The following GATAD2A variants were observed in gnomAD, a reference collection of about 807,000 sequenced individuals.
GATAD2A encodes GATA zinc finger domain containing 2A.
A neutral mutation model predicts 68.5 loss-of-function variants in GATAD2A; 12 were observed. The observed-to-expected ratio is 0.18, with a 90% CI of 0.11 to 0.28. GATAD2A has a LOEUF of 0.28. Ranked by LOEUF, GATAD2A falls within the 10% of genes least tolerant of loss-of-function variation. The pLI is 1.00. For missense variants in GATAD2A, 755 were observed against 868.5 expected, an observed-to-expected ratio of 0.87 and a Z score of 1.64; for synonymous variants, 410 against 375.3, an observed-to-expected ratio of 1.09 and a Z score of -1.07.
intron 1 of GATAD2A, among the ~76,000 whole-genome samples, chr19:19,423,534 C>G (rs528406617): frequency 6.6e-6 from 1 of 152,254 alleles, no homozygotes; most frequent in Admixed American, 6.5e-5. Context: ...CTGAATGCCC[C>G]CCTGAGCTGA....
chr19:19,433,298 T>C (rs2147475890), intron 1 of GATAD2A, among the ~76,000 whole-genome samples: 1 of 152,306 alleles, frequency 6.6e-6, no homozygotes, highest in South Asian at 2.1e-4. Context: ...ATTTTGTCAG[T>C]CTGCTTGTCT....
chr19:19,492,765 C>T, intron 4 of GATAD2A, 53 bp downstream of exon 4: 3 of 1,589,950 alleles, frequency 1.9e-6, no homozygotes, highest in East Asian at 2.2e-5. Flanking sequence ...CTGGCCTTGC[C>T]TTGATCCCCT....
chr19:19,498,890 C>T (rs1188577150), intron 8 of GATAD2A, among the ~76,000 whole-genome samples, 168 bp downstream of exon 8: 1 of 152,232 alleles, frequency 6.6e-6, no homozygotes, highest in Non-Finnish European at 1.5e-5. Flanking sequence ...AGTCTGGACA[C>T]TGTCCTCCGG....
intron 2 of GATAD2A, among the ~76,000 whole-genome samples, chr19:19,488,475 G>C (rs1568329671): frequency 6.6e-6 from 1 of 152,270 alleles, no homozygotes; most frequent in East Asian, 1.9e-4. Flanking sequence ...TCCAAGGACA[G>C]CTCCTTCCCG....
chr19:19,495,658 A>T, intron 5 of GATAD2A, 96 bp from the exon 6 acceptor site: 8 of 932,268 alleles, frequency 8.6e-6, no homozygotes, highest in Non-Finnish European at 1.1e-5. Flanking sequence ...AAAAAAAACT[A>T]GTATGTACTT....
rs748592461 is a variant in GATAD2A at position 19,494,328 on chromosome 19, C to T, written c.569C>T (p.Pro190Leu). The T allele has an allele frequency of 1.2e-6, 2 of 1,613,084 alleles. No individual in the cohort carries two copies. The highest frequency in any genetic ancestry group is 1.7e-6 in the Non-Finnish European group (2 of 1,179,238). Residue 190 changes from proline (P) to leucine (L), a missense_variant, in exon 5 of 12, where the codon CCT (proline) becomes CTT (leucine). Physicochemically the swap from Pro to Leu is moderately conservative, Grantham distance 98. Coordinates refer to ENST00000683918, the MANE Select transcript of GATAD2A (RefSeq NM_001384528.1). The part of the protein sequence containing the change: ...TGSVGSTVTT[P>L]PPLVRGTQNI... ...TCTGTTGGGAGCACCGTGACCACCC[C>T]TCCCCCGCTTGTTCGGGGCACTCAG...
intron 8 of GATAD2A, 66 bp from the exon 9 acceptor site, chr19:19,501,052 G>A (rs1392036047): frequency 2.7e-5 from 38 of 1,425,766 alleles, no homozygotes; most frequent in Non-Finnish European, 3.3e-5. Flanking sequence ...TCCTGGGCTG[G>A]GGGCGGCCAG....
chr19:19,454,048 A>G (rs1322014610), intron 1 of GATAD2A, among the ~76,000 whole-genome samples: 1 of 149,490 alleles, frequency 6.7e-6, no homozygotes, highest in African/African-American at 2.5e-5. Flanking sequence ...CCCAGGCTGG[A>G]GTGCAATGGC....
intron 1 of GATAD2A, among the ~76,000 whole-genome samples, chr19:19,454,443 C>T (rs2056726225): frequency 6.6e-6 from 1 of 151,590 alleles, no homozygotes; most frequent in South Asian, 2.1e-4. Flanking sequence ...TCCAAAAATA[C>T]AAAAAATTAG....
chr19:19,459,407 A>C (rs551440191), intron 1 of GATAD2A, among the ~76,000 whole-genome samples: 4 of 144,554 alleles, frequency 2.8e-5, no homozygotes, highest in African/African-American at 1.0e-4. Context: ...GTACTATGCT[A>C]TTCTGCAACT....
At chr19:19,393,081 G>C (rs1462680083) in intron 1 of GATAD2A, among the ~76,000 whole-genome samples, 1 of 152,168 alleles carries the variant, frequency 6.6e-6, no homozygotes, top group African/African-American at 2.4e-5. Context: ...TGAGGCAGGG[G>C]ATCACTTGAG....
At chr19:19,481,836 C>T (rs2059084469) in intron 2 of GATAD2A, among the ~76,000 whole-genome samples, 1 of 152,192 alleles carries the variant, frequency 6.6e-6, no homozygotes, top group Non-Finnish European at 1.5e-5. Context: ...GGCTCAGTGG[C>T]TCACGCCTGT....
intron 1 of GATAD2A, among the ~76,000 whole-genome samples, chr19:19,454,723 A>G (rs1380355844): frequency 4.5e-5 from 5 of 111,792 alleles, no homozygotes; most frequent in Admixed American, 8.9e-5. Flanking sequence ...GGTGTGAGCC[A>G]CTGTGCCCCC....
intron 4 of GATAD2A, 43 bp from the exon 5 acceptor site, chr19:19,494,251 G>C (rs375235366): frequency 8.7e-7 from 1 of 1,147,220 alleles, no homozygotes; most frequent in African/African-American, 1.5e-5. Flanking sequence ...GAGAGGGACC[G>C]GCCCGGTGGC....
upstream of GATAD2A, chr19:19,402,644 G>A (rs924878193): frequency 6.8e-6 from 1 of 147,128 alleles, no homozygotes; most frequent in South Asian, 2.1e-4. Flanking sequence ...ATCCGAGATC[G>A]CGCCACTACA....
chr19:19,430,977 GTGTGT>G (rs1163784251), intron 1 of GATAD2A, among the ~76,000 whole-genome samples: 946 of 45,726 alleles, frequency 0.021, 6 homozygotes, highest in South Asian at 0.059. Context: ...TATGGTAGGG[GTGTGT>G]GTGTGTGTGT....
intron 2 of GATAD2A, among the ~76,000 whole-genome samples, chr19:19,470,958 C>T (rs182159375): frequency 1.1e-3 from 170 of 152,178 alleles, no homozygotes; most frequent in Middle Eastern, 3.4e-3. Flanking sequence ...TCATACTGGT[C>T]GAAAAGTAGA....
intron 1 of GATAD2A, among the ~76,000 whole-genome samples, chr19:19,437,643 G>T (rs2054521047): frequency 6.6e-6 from 1 of 152,022 alleles, no homozygotes; most frequent in Non-Finnish European, 1.5e-5. Context: ...CTGTTGATTT[G>T]CCTGTTGTGG....
chr19:19,410,906 G>C (rs2050844260), intron 1 of GATAD2A, among the ~76,000 whole-genome samples: 5 of 152,204 alleles, frequency 3.3e-5, no homozygotes, highest in Admixed American at 3.3e-4. Flanking sequence ...TTGGGAGTGA[G>C]ATAACAAGTG....
Sources: allele counts gnomAD v4.1 joint callset (sites outside exome capture counted in the v4.1 genomes callset), GRCh38; gene constraint gnomAD v4.1.1; transcripts MANE v1.5; gene names NCBI Gene and HGNC (gene_info 2026-07-23, HGNC 2026-07-21).